The following LNX1 variants were observed in gnomAD, a reference collection of about 807,000 sequenced individuals.
LNX1 encodes ligand of numb-protein X 1.
In LNX1, 54 loss-of-function variants were observed where a neutral mutation model predicts 68.4. The observed-to-expected ratio is 0.79, with a 90% confidence interval of 0.63 to 0.99. The LOEUF (loss-of-function observed/expected upper bound fraction) is 0.99, where lower values mean the gene tolerates loss of function less well. LNX1 is among the 50% of genes least tolerant of loss of function. The probability of loss-of-function intolerance (pLI) is 0.00; values close to 1 mark genes in which losing one functional copy is unlikely to be tolerated. For synonymous variants in LNX1, 336 were observed against 350.0 expected (o/e 0.96, Z 0.45); for missense variants, 906 against 926.4 (o/e 0.98, Z 0.29).
At chr4:53,463,368 A>G (rs913609302) in intron 9 of LNX1, among the ~76,000 whole-genome samples, 2 of 152,064 alleles carry the variant, frequency 1.3e-5, no homozygotes, top group African/African-American at 4.8e-5. Context: ...TTAATTAAAA[A>G]GTAAACGCCT....
At chr4:53,591,931 C>G (rs1457886917), upstream of LNX1, among the ~76,000 whole-genome samples, 3 of 152,022 alleles carry the variant, frequency 2.0e-5, no homozygotes, top group East Asian at 5.8e-4. Context: ...ATCTGAGGTG[C>G]CTTTTCGAAC....
intron 1 of LNX1, among the ~76,000 whole-genome samples, chr4:53,628,629 C>T (rs777691821): frequency 1.3e-5 from 2 of 152,114 alleles, no homozygotes; most frequent in East Asian, 1.9e-4. Flanking sequence ...TGTTGGGTAC[C>T]TACCCAAAGG....
At chr4:53,572,093 C>T (rs1731205485) in intron 2 of LNX1, among the ~76,000 whole-genome samples, 1 of 152,190 alleles carries the variant, frequency 6.6e-6, no homozygotes, top group Non-Finnish European at 1.5e-5. Flanking sequence ...TTCTCCTCCT[C>T]ATGCCCCTCA....
At position 53,481,823 on chromosome 4, in the gene LNX1, G is replaced by T; in HGVS notation, c.1382C>A (p.Ser461Tyr). ...ASERRVHLVVSRQVRQRSPDI... is the reference protein window; with the variant it reads ...ASERRVHLVVYRQVRQRSPDI... ...AGGGCTCCGCTGCCGAACCTGGCGG[G>T]ACACGACGAGGTGAACACGTCTTTC... Residue 461 changes from serine to tyrosine, a missense_variant, in exon 7 of 11, where the codon TCC (serine) becomes TAC (tyrosine). Physicochemically the swap from Ser to Tyr is moderately radical, Grantham distance 144. Coordinates refer to ENST00000263925, the MANE Select transcript of LNX1 (RefSeq NM_001126328.3). 6.2e-7 allele frequency: 1 copy of T among 1,611,662 alleles called. No individual in the cohort carries two copies. The highest frequency in any genetic ancestry group is 2.2e-5 in the East Asian group (1 of 44,714).
rs1729575221 is a variant in LNX1, at chr4:53,552,421, C to T, written c.380+21202G>A. 3.9e-5 allele frequency among the ~76,000 whole-genome samples: 6 copies of T among 152,170 alleles called. No homozygotes were observed. In the South Asian group the frequency reaches 8.3e-4, roughly 21 times the overall value. On this transcript the variant is annotated intron_variant, in intron 2 of 10. Coordinates refer to ENST00000263925, the MANE Select transcript of LNX1 (RefSeq NM_001126328.3). ...TTAAAGTGGGAAGGAGATGAAAAAA[C>T]TCCACTTTTCTGTAACTAGCTCATG...
chr4:53,522,005 G>C (rs1727261962), intron 2 of LNX1, among the ~76,000 whole-genome samples: 1 of 151,960 alleles, frequency 6.6e-6, no homozygotes, highest in Admixed American at 6.6e-5. Context: ...ATGTTGCCCA[G>C]GCTGGTCTTG....
intron 1 of LNX1, among the ~76,000 whole-genome samples, chr4:53,644,668 G>A (rs1415088587): frequency 6.6e-6 from 1 of 152,162 alleles, no homozygotes; most frequent in Admixed American, 6.5e-5. Context: ...TTCCATGTCA[G>A]GTGACTTGGA....
rs376247079 is a variant in LNX1, at chr4:53,534,667, C to T, written c.381-26440G>A. On this transcript the variant is annotated intron_variant, in intron 2 of 10. Transcript: ENST00000263925. ...TAAAAAAACATAATAATTCTAGGCCCTGTATTTTGGTCACTTGGCGTAAAA... is the reference window on the plus strand; with the variant it reads ...TAAAAAAACATAATAATTCTAGGCCTTGTATTTTGGTCACTTGGCGTAAAA... Among the ~76,000 whole-genome samples the T allele has an allele frequency of 9.0e-4, 137 of 152,206 alleles. 6 individuals are homozygous for T. The South Asian group carries it at 0.028, about 31-fold the overall frequency.
At chr4:53,548,451 AG>A (rs1384922871) in intron 2 of LNX1, among the ~76,000 whole-genome samples, 2 of 152,234 alleles carry the variant, frequency 1.3e-5, no homozygotes, top group African/African-American at 4.8e-5. Flanking sequence ...ACATAAGACA[AG>A]CAATGGAGAA....
chr4:53,611,643 C>T (rs1733502793), intron 2 of LNX1, among the ~76,000 whole-genome samples: 1 of 152,012 alleles, frequency 6.6e-6, no homozygotes, highest in African/African-American at 2.4e-5. Flanking sequence ...GTGGTTTTTA[C>T]CACTAAAATT....
chr4:53,621,903 G>A (rs972753233), upstream of LNX1, among the ~76,000 whole-genome samples: 2 of 151,982 alleles, frequency 1.3e-5, no homozygotes, highest in Non-Finnish European at 2.9e-5. Context: ...ATTAATAAGT[G>A]AAGAAGTTGT....
At chr4:53,579,021 C>T (rs1731667930) in intron 1 of LNX1, among the ~76,000 whole-genome samples, 1 of 152,124 alleles carries the variant, frequency 6.6e-6, no homozygotes, top group African/African-American at 2.4e-5. Flanking sequence ...AGCCTTGCTG[C>T]TGAATGGAGA....
chr4:53,520,102 G>C (rs1727104234), intron 2 of LNX1, among the ~76,000 whole-genome samples: 1 of 152,186 alleles, frequency 6.6e-6, no homozygotes, highest in Non-Finnish European at 1.5e-5. Context: ...GGAGCTTTGT[G>C]GTTTCAGGTA....
rs146218780 is a variant in LNX1 at position 53,634,366 on chromosome 4, C to T, written c.-215+17802G>A. 3.6e-3 allele frequency among the ~76,000 whole-genome samples: 540 copies of T among 151,662 alleles called. 2 individuals are homozygous for T. The highest frequency in any genetic ancestry group is 0.012 in the African/African-American group (514 of 41,324). On this transcript the variant is annotated intron_variant, in intron 1 of 2. Transcript: ENST00000507168. ...TCAAGCAATTCTCCTGCCTCAGTCT[C>T]CCGAGTAGCTGGGACTACAGGTGCA...
chr4:53,576,604 G>C (rs1181275200), intron 1 of LNX1, among the ~76,000 whole-genome samples: 1 of 151,866 alleles, frequency 6.6e-6, no homozygotes, highest in African/African-American at 2.4e-5. Flanking sequence ...GGGGCTAAGG[G>C]GAGGGGAAAC....
chr4:53,532,894 G>A (rs1340973230), intron 2 of LNX1, among the ~76,000 whole-genome samples: 3 of 152,126 alleles, frequency 2.0e-5, no homozygotes, highest in African/African-American at 7.2e-5. Context: ...AGCATCATCT[G>A]TTCCAAATAT....
intron 2 of LNX1, among the ~76,000 whole-genome samples, chr4:53,598,641 C>T (rs1732862705): frequency 6.6e-6 from 1 of 152,014 alleles, no homozygotes; most frequent in Non-Finnish European, 1.5e-5. Flanking sequence ...ACATAGGAGG[C>T]CTTTGATAAA....
intron 2 of LNX1, among the ~76,000 whole-genome samples, chr4:53,607,534 G>T (rs1195192851): frequency 6.6e-6 from 1 of 152,106 alleles, no homozygotes; most frequent in Admixed American, 6.5e-5. Context: ...TGGCCATACT[G>T]CCCAAAGCAG....
chr4:53,571,025 TA>T (rs879847801), intron 2 of LNX1, among the ~76,000 whole-genome samples: 3,425 of 131,594 alleles, frequency 0.026, 76 homozygotes, highest in African/African-American at 0.073. Context: ...AGACTCCGTC[TA>T]AAAAAAAAAA....
Sources: allele counts gnomAD v4.1 joint callset (sites outside exome capture counted in the v4.1 genomes callset), GRCh38; gene constraint gnomAD v4.1.1; transcripts MANE v1.5; gene names NCBI Gene and HGNC (gene_info 2026-07-23, HGNC 2026-07-21).